CDH12: variants seen among roughly 807,000 people sequenced by gnomAD.
CDH12 encodes cadherin-12.
CDH12 carries 41 observed loss-of-function variants against 74.1 expected under a neutral mutation model. The observed-to-expected ratio is 0.55, with a 90% CI of 0.43 to 0.72. CDH12 has a LOEUF of 0.72. Among genes scored for constraint, CDH12 ranks in the 30% least tolerant of loss-of-function variants. The pLI is 0.00. For missense variants in CDH12, 945 were observed against 977.2 expected, an observed-to-expected ratio of 0.97 and a Z score of 0.44; for synonymous variants, 399 against 355.0, an observed-to-expected ratio of 1.12 and a Z score of -1.39.
At chr5:22,004,873 G>T (rs143043378) in intron 5 of CDH12, among the ~76,000 whole-genome samples, 3,188 of 152,008 alleles carry the variant, frequency 0.021, 121 homozygotes, top group African/African-American at 0.074. Flanking sequence ...TCATTGTTTA[G>T]CTTCCACTTA....
chr5:22,094,070 A>G (rs1409419404), intron 4 of CDH12, among the ~76,000 whole-genome samples: 1 of 152,218 alleles, frequency 6.6e-6, no homozygotes, highest in Admixed American at 6.5e-5. Flanking sequence ...TATAGAAACC[A>G]TCTGGGCTGG....
intron 1 of CDH12, among the ~76,000 whole-genome samples, chr5:22,768,360 C>G (rs1207179712): frequency 6.6e-6 from 1 of 151,944 alleles, no homozygotes; most frequent in Non-Finnish European, 1.5e-5. Flanking sequence ...CCATTCAAAA[C>G]CATTCAGTTA....
intron 1 of CDH12, among the ~76,000 whole-genome samples, chr5:22,711,514 A>C (rs1034156997): frequency 3.3e-5 from 5 of 152,106 alleles, no homozygotes; most frequent in African/African-American, 9.7e-5. Flanking sequence ...CAGCAATTAT[A>C]GTTTTACTTG....
chr5:22,220,537 T>G lies in CDH12; in HGVS notation c.-332-7894A>C, dbSNP rs966176671. On this transcript the variant is annotated intron_variant, in intron 3 of 14. Transcript: ENST00000382254. The stretch of plus-strand genomic sequence containing the variant: ...CTAAATTTTTTTTTCTTGATTGGCA[T>G]TGTTATTTTGGTGGTTGAGTGGTCA... 4.0e-5 allele frequency among the ~76,000 whole-genome samples: 6 copies of G among 151,644 alleles called. No homozygotes were observed. In the Admixed American group the frequency reaches 4.0e-4, roughly 10 times the overall value.
chr5:22,656,698 T>C (rs533246147), intron 1 of CDH12, among the ~76,000 whole-genome samples: 2 of 152,326 alleles, frequency 1.3e-5, no homozygotes, highest in South Asian at 2.1e-4. Flanking sequence ...CTCAGGAGTA[T>C]TACTCATGTA....
intron 1 of CDH12, among the ~76,000 whole-genome samples, chr5:22,802,735 T>C (rs1581015191): frequency 6.6e-6 from 1 of 152,118 alleles, no homozygotes; most frequent in Non-Finnish European, 1.5e-5. Flanking sequence ...CCAGACCAGG[T>C]AAGTAGTGTA....
chr5:21,904,184 C>T (rs1313614176), intron 6 of CDH12, among the ~76,000 whole-genome samples: 1 of 152,106 alleles, frequency 6.6e-6, no homozygotes, highest in African/African-American at 2.4e-5. Context: ...AAATGTTTCA[C>T]TGGTGGTGTT....
chr5:22,057,286 C>A lies in CDH12; in HGVS notation c.231+21160G>T, dbSNP rs116805466. Among the ~76,000 whole-genome samples, 577 of 152,268 alleles carry A rather than the reference C, an allele frequency of 3.8e-3. 7 individuals carry two copies. The highest frequency in any genetic ancestry group is 0.014 in the Middle Eastern group (4 of 294). ...TCTAAAAGCCATAGTTTGCCAATCACTTATCTAAAGTTGTATTTGAAAGGC... is the reference window on the plus strand; with the variant it reads ...TCTAAAAGCCATAGTTTGCCAATCAATTATCTAAAGTTGTATTTGAAAGGC... On this transcript the variant is annotated intron_variant, in intron 5 of 14. Coordinates refer to ENST00000382254, the MANE Select transcript of CDH12 (RefSeq NM_004061.5).
intron 3 of CDH12, among the ~76,000 whole-genome samples, chr5:22,298,553 T>C (rs1367897789): frequency 1.3e-5 from 2 of 151,396 alleles, no homozygotes; most frequent in Admixed American, 1.3e-4. Context: ...TTTTTATCCC[T>C]AATATCAATC....
At chr5:21,861,639 G>A (rs534475339) in intron 6 of CDH12, among the ~76,000 whole-genome samples, 28 of 151,942 alleles carry the variant, frequency 1.8e-4, no homozygotes, top group Non-Finnish European at 3.5e-4. Context: ...CGGACACTTT[G>A]TTAAGAGGAT....
chr5:21,804,078 T>A (rs950635115), intron 9 of CDH12, among the ~76,000 whole-genome samples: 2 of 152,188 alleles, frequency 1.3e-5, no homozygotes, highest in Non-Finnish European at 2.9e-5. Flanking sequence ...ATTTATGTGT[T>A]TATCTGCTTT....
intron 4 of CDH12, among the ~76,000 whole-genome samples, chr5:22,115,252 T>C (rs1561125933): frequency 6.6e-6 from 1 of 152,202 alleles, no homozygotes; most frequent in Non-Finnish European, 1.5e-5. Context: ...AAGACTACGT[T>C]GTCTATTTCC....
chr5:22,550,003 C>G (rs995827748), intron 1 of CDH12, among the ~76,000 whole-genome samples: 2 of 152,196 alleles, frequency 1.3e-5, no homozygotes, highest in Non-Finnish European at 2.9e-5. Flanking sequence ...ACAACTTCCT[C>G]TTACCAAGTG....
chr5:22,770,482 G>A (rs1746748583), intron 1 of CDH12, among the ~76,000 whole-genome samples: 1 of 152,156 alleles, frequency 6.6e-6, no homozygotes, highest in East Asian at 1.9e-4. Context: ...AAATAAAGTA[G>A]ACCAATATAT....
chr5:21,896,347 AC>A (rs1425306185), intron 6 of CDH12, among the ~76,000 whole-genome samples: 1 of 152,234 alleles, frequency 6.6e-6, no homozygotes, highest in Non-Finnish European at 1.5e-5. Context: ...CACAGCTTGG[AC>A]AATTAAAAAG....
chr5:22,787,848 G>A (rs1390799411), intron 1 of CDH12, among the ~76,000 whole-genome samples: 1 of 152,096 alleles, frequency 6.6e-6, no homozygotes, highest in East Asian at 1.9e-4. Context: ...CATGGCAGCT[G>A]GCTTCCCTCA....
chr5:22,627,914 CAG>C (rs1738380688), intron 1 of CDH12, among the ~76,000 whole-genome samples: 1 of 149,854 alleles, frequency 6.7e-6, no homozygotes, highest in East Asian at 2.0e-4. Context: ...AAATGGAAAA[CAG>C]AAAAAAAAAG....
chr5:22,454,772 G>C (rs1414927512), intron 2 of CDH12, among the ~76,000 whole-genome samples: 1 of 152,190 alleles, frequency 6.6e-6, no homozygotes, highest in Non-Finnish European at 1.5e-5. Flanking sequence ...ACTGTGCCCA[G>C]CCTCTCTTCT....
chr5:21,878,529 G>A (rs970967079), intron 6 of CDH12, among the ~76,000 whole-genome samples: 2 of 139,228 alleles, frequency 1.4e-5, no homozygotes, highest in Non-Finnish European at 3.0e-5. Context: ...AGGAGTTGCA[G>A]ACCAGCCAGG....
Sources: allele counts gnomAD v4.1 joint callset (sites outside exome capture counted in the v4.1 genomes callset), GRCh38; gene constraint gnomAD v4.1.1; transcripts MANE v1.5; gene names NCBI Gene and HGNC (gene_info 2026-07-23, HGNC 2026-07-21).